Variants in BLTP1 observed in about 807,000 individuals in gnomAD.
The protein encoded by BLTP1 is bridge-like lipid transfer protein family member 1.
the BLTP1 span, chr4:122,229,835 C>T: frequency 7.2e-7 from 1 of 1,392,062 alleles, no homozygotes; most frequent in South Asian, 1.8e-5. Context: ...TTATGTTTTA[C>T]TCTATTTGAA....
chr4:122,187,010 T>C, the BLTP1 span: 1 of 985,112 alleles, frequency 1.0e-6, no homozygotes. Context: ...TGGATTGTTT[T>C]CAGAAGTGCT....
chr4:122,333,629 G>A, the BLTP1 span: 126 of 1,592,508 alleles, frequency 7.9e-5, no homozygotes, highest in Non-Finnish European at 1.0e-4. Context: ...CTGTTCACAG[G>A]AGTTATGATC....
chr4:122,338,530 A>G, the BLTP1 span, among the ~76,000 whole-genome samples: 1 of 152,122 alleles, frequency 6.6e-6, no homozygotes, highest in Admixed American at 6.6e-5. Context: ...AACAAGTTTA[A>G]TATGAGCATA....
At chr4:122,232,813 A>G in the BLTP1 span, among the ~76,000 whole-genome samples, 1 of 152,128 alleles carries the variant, frequency 6.6e-6, no homozygotes, top group Admixed American at 6.5e-5. Flanking sequence ...TAGCCTGGAC[A>G]GAGCTTGCAT....
At chr4:122,245,820 C>T in the BLTP1 span, among the ~76,000 whole-genome samples, 1 of 151,896 alleles carries the variant, frequency 6.6e-6, no homozygotes, top group African/African-American at 2.4e-5. Context: ...TATTCCTAGC[C>T]AAAAAGGGGC....
chr4:122,277,087 A>G, the BLTP1 span: 1 of 984,808 alleles, frequency 1.0e-6, no homozygotes, highest in South Asian at 4.7e-5. Flanking sequence ...CATTTATATT[A>G]GAAGTTATTG....
chr4:122,229,144 T>C, the BLTP1 span: 1 of 1,606,152 alleles, frequency 6.2e-7, no homozygotes, highest in African/African-American at 1.3e-5. Flanking sequence ...CTGGGCCTTG[T>C]CCAACTTCAG....
chr4:122,300,828 A>G, the BLTP1 span: 2 of 703,270 alleles, frequency 2.8e-6, no homozygotes, highest in Non-Finnish European at 3.5e-6. Context: ...GGCAGGCAGA[A>G]TGTTTTCAAA....
At chr4:122,235,110 C>G in the BLTP1 span, 2 of 1,184,788 alleles carry the variant, frequency 1.7e-6, no homozygotes, top group Non-Finnish European at 2.4e-6. Context: ...TAACTCTGTT[C>G]AACTCAATTT....
At chr4:122,328,068 A>T in the BLTP1 span, 11 of 1,440,538 alleles carry the variant, frequency 7.6e-6, no homozygotes, top group South Asian at 1.7e-4. Flanking sequence ...TAATTGAAAT[A>T]TGAATCTGAT....
chr4:122,345,957 T>C, the BLTP1 span: 2 of 929,456 alleles, frequency 2.2e-6, no homozygotes, highest in Non-Finnish European at 1.3e-6. Flanking sequence ...GTGAAGCCAT[T>C]AACTTAGAAA....
At chr4:122,174,906 T>G in the BLTP1 span, 2 of 393,538 alleles carry the variant, frequency 5.1e-6, no homozygotes, top group Non-Finnish European at 3.5e-6. Context: ...AAGTGAACCT[T>G]TAAATTGCCT....
the BLTP1 span, among the ~76,000 whole-genome samples, chr4:122,173,649 A>G: frequency 2.0e-5 from 3 of 152,152 alleles, no homozygotes; most frequent in Non-Finnish European, 4.4e-5. Context: ...TTAGAAATTT[A>G]CCTTTGTTTC....
chr4:122,182,825 T>C, the BLTP1 span: 1 of 984,848 alleles, frequency 1.0e-6, no homozygotes, highest in South Asian at 4.7e-5. Flanking sequence ...ATTTCCCTCT[T>C]TCTTTTTTTA....
the BLTP1 span, chr4:122,339,339 A>T: frequency 6.2e-7 from 1 of 1,613,404 alleles, no homozygotes; most frequent in East Asian, 2.2e-5. Flanking sequence ...TCCTGCAGAG[A>T]CTTTATCCCC....
the BLTP1 span, among the ~76,000 whole-genome samples, chr4:122,206,458 T>C: frequency 1.3e-4 from 20 of 152,058 alleles, no homozygotes; most frequent in African/African-American, 2.9e-4. Context: ...TCGAGTGCAA[T>C]TTATAATAGT....
At chr4:122,230,298 G>A in the BLTP1 span, 1 of 1,106,612 alleles carries the variant, frequency 9.0e-7, no homozygotes, top group African/African-American at 1.6e-5. Context: ...CTGAGAGAAT[G>A]GACTAAGAAT....
At chr4:122,224,850 A>C in the BLTP1 span, 1 of 1,517,124 alleles carries the variant, frequency 6.6e-7, no homozygotes, top group Non-Finnish European at 8.8e-7. Flanking sequence ...ATCAGAGACA[A>C]GTTTGACTTT....
chr4:122,329,447 T>C, the BLTP1 span, among the ~76,000 whole-genome samples: 1 of 151,732 alleles, frequency 6.6e-6, no homozygotes, highest in Non-Finnish European at 1.5e-5. Flanking sequence ...AGTTTGCGTC[T>C]TTTCTAACAA....
Sources: gnomAD v4.1 joint callset for allele counts (sites outside exome capture counted in the v4.1 genomes callset) on GRCh38, gnomAD v4.1.1 for gene constraint, MANE v1.5 for transcripts, NCBI Gene and HGNC (gene_info 2026-07-23, HGNC 2026-07-21) for gene names.